Variants in SNW1 observed in about 807,000 individuals in gnomAD.
The protein encoded by SNW1 is SNW domain-containing protein 1.
In SNW1, 9 loss-of-function variants were observed where a neutral mutation model predicts 75.6. The ratio of observed to expected loss-of-function variants is 0.12; its 90% confidence interval spans 0.07 to 0.21. The LOEUF (loss-of-function observed/expected upper bound fraction) is 0.21, where lower values mean the gene tolerates loss of function less well. Ranked by LOEUF, SNW1 falls within the 10% of genes least tolerant of loss-of-function variation. The probability of loss-of-function intolerance (pLI) is 1.00; values close to 1 mark genes in which losing one functional copy is unlikely to be tolerated. For synonymous variants in SNW1, 200 were observed against 219.1 expected, an observed-to-expected ratio of 0.91 and a Z score of 0.77; for missense variants, 409 against 670.9, an observed-to-expected ratio of 0.61 and a Z score of 4.31.
chr14:77,752,607 C>A (rs1311167135), intron 2 of SNW1, among the ~76,000 whole-genome samples: 2 of 152,090 alleles, frequency 1.3e-5, no homozygotes, highest in East Asian at 3.9e-4. Context: ...AGCACCTGAA[C>A]CCAGATCTTT....
chr14:77,735,116 T>C (rs751134841), intron 7 of SNW1, 104 bp from the exon 8 acceptor site: 9 of 718,146 alleles, frequency 1.3e-5, no homozygotes, highest in Non-Finnish European at 2.1e-5. Context: ...CACTGACATA[T>C]GCACAGCCGT....
Position 77,718,407 on chromosome 14 carries a change from T to C in SNW1, c.1372A>G (p.Met458Val), listed in dbSNP as rs2080507783. Residue 458 changes from methionine to valine, a missense_variant, in exon 13 of 14, where the codon ATG becomes GTG. Physicochemically the swap from Met to Val is conservative, Grantham distance 21 (BLOSUM62 1). Transcript: ENST00000261531. Reference protein sequence around the residue: ...YRPSKNLDKDMYGDDLEARIK... With the variant: ...YRPSKNLDKDVYGDDLEARIK... ...CTGGCTTCTAGGTCATCACCATACA[T>C]GTCCTTGTCCAGATTTTTACTGGGC... The C allele has an allele frequency of 6.2e-7, 1 of 1,614,182 alleles. No individual in the cohort carries two copies. The highest frequency in any genetic ancestry group is 8.5e-7 in the Non-Finnish European group (1 of 1,180,018).
At chr14:77,729,686 C>A (rs2080613801) in intron 10 of SNW1, among the ~76,000 whole-genome samples, 1 of 151,796 alleles carries the variant, frequency 6.6e-6, no homozygotes, top group South Asian at 2.1e-4. Flanking sequence ...GTGTTCTCAC[C>A]AAAAAATTTA....
chr14:77,717,775 T>C lies in SNW1; in HGVS notation c.*313A>G, dbSNP rs1003519928. ...GGTAACTTTACTCATATGCAGCTGTTCTTACACAAAACATTAACCCCAAAC... is the reference window on the plus strand; with the variant it reads ...GGTAACTTTACTCATATGCAGCTGTCCTTACACAAAACATTAACCCCAAAC... On this transcript the variant is annotated 3_prime_UTR_variant, in exon 14 of 14. Coordinates refer to ENST00000261531, the MANE Select transcript of SNW1 (RefSeq NM_012245.3). The C allele has an allele frequency of 1.7e-6, 1 of 600,712 alleles. No individual in the cohort carries two copies. Among genetic ancestry groups the C allele is most frequent in the Non-Finnish European group, 2.9e-6 (1 of 341,892 alleles). The allele number at this position is 600,712 out of a possible 1,614,324, so 37.2% of individuals were successfully genotyped here.
intron 11 of SNW1, among the ~76,000 whole-genome samples, chr14:77,721,296 C>T (rs1363256595): frequency 6.6e-6 from 1 of 152,182 alleles, no homozygotes; most frequent in Non-Finnish European, 1.5e-5. Context: ...ATGTCAATGA[C>T]TGAATTAGTA....
rs2080660533 is a variant in SNW1, at chr14:77,735,146, A to C, written c.709-134T>G. 6 of 561,260 alleles carry C rather than the reference A, an allele frequency of 1.1e-5. No individual in the cohort carries two copies. In the South Asian group the frequency reaches 1.4e-4, roughly 13 times the overall value. The allele number at this position is 561,260 out of a possible 1,614,324, so 34.8% of individuals were successfully genotyped here. A position where few individuals can be genotyped will look rare whatever the true frequency, so the allele number is the denominator to read the frequency against. ...AGCCGTAGTAAAAGGCCAGCAGTCC[A>C]TTTGTTTGCTAGCACTAGTTTACCA... On this transcript the variant is annotated intron_variant, in intron 7 of 13. Transcript: ENST00000261531.
intron 3 of SNW1, among the ~76,000 whole-genome samples, chr14:77,749,162 CAT>C: frequency 6.6e-6 from 1 of 152,222 alleles, no homozygotes; most frequent in Admixed American, 6.5e-5. Flanking sequence ...CAGTCATCAG[CAT>C]ATGAGTGGCA....
intron 11 of SNW1, 67 bp downstream of exon 11, chr14:77,723,114 T>C: frequency 7.9e-7 from 1 of 1,273,344 alleles, no homozygotes; most frequent in Non-Finnish European, 1.1e-6. Flanking sequence ...CCCAAAGTGC[T>C]GGGATTACAG....
At chr14:77,718,734 CAG>C (rs1464371078) in intron 12 of SNW1, among the ~76,000 whole-genome samples, 2 of 143,956 alleles carry the variant, frequency 1.4e-5, no homozygotes, top group Admixed American at 7.0e-5. Context: ...TTTTTTCAGA[CAG>C]AGTCTCACTC....
chr14:77,740,779 T>A (rs1464765822), intron 3 of SNW1, among the ~76,000 whole-genome samples: 1 of 152,120 alleles, frequency 6.6e-6, no homozygotes, highest in East Asian at 1.9e-4. Context: ...CTTTACATGG[T>A]TATTATCTGT....
intron 1 of SNW1, among the ~76,000 whole-genome samples, chr14:77,759,426 T>A (rs2080868207): frequency 6.6e-6 from 1 of 152,068 alleles, no homozygotes; most frequent in African/African-American, 2.4e-5. Flanking sequence ...GGCAGGAGGA[T>A]CACCTGAGCC....
intron 9 of SNW1, 107 bp from the exon 10 acceptor site, chr14:77,731,236 CAG>C (rs1221709485): frequency 2.5e-6 from 3 of 1,221,796 alleles, no homozygotes; most frequent in Non-Finnish European, 1.1e-6. Context: ...ATACAGAATT[CAG>C]ATTTGTTATT....
intron 1 of SNW1, among the ~76,000 whole-genome samples, chr14:77,756,613 G>A (rs185906168): frequency 1.1e-4 from 16 of 152,290 alleles, no homozygotes; most frequent in Admixed American, 5.2e-4. Context: ...GCCAGCCATG[G>A]TGGCTCACAC....
intron 2 of SNW1, among the ~76,000 whole-genome samples, chr14:77,751,835 CACA>C (rs1175429634): frequency 8.7e-6 from 1 of 115,270 alleles, no homozygotes; most frequent in Non-Finnish European, 2.0e-5. Flanking sequence ...CACACACACA[CACA>C]CACACACCAC....
chr14:77,720,863 CTT>C (rs781771890), intron 11 of SNW1, 35 bp from the exon 12 acceptor site: 15 of 1,326,000 alleles, frequency 1.1e-5, no homozygotes, highest in Non-Finnish European at 1.6e-5. Context: ...ACTGAAAACT[CTT>C]TATAGACAAG....
Position 77,718,053 on chromosome 14 carries a change from G to A in SNW1, c.*35C>T, listed in dbSNP as rs374534671. The A allele has an allele frequency of 6.6e-7, 1 of 1,515,724 alleles. No homozygotes were observed. Among genetic ancestry groups the A allele is most frequent in the East Asian group, 2.3e-5 (1 of 44,070 alleles). 93.9% of individuals were successfully genotyped at this position (1,515,724 alleles called of 1,614,324 possible). A position where few individuals can be genotyped will look rare whatever the true frequency, so the allele number is the denominator to read the frequency against. On this transcript the variant is annotated 3_prime_UTR_variant, in exon 14 of 14. Transcript: ENST00000261531. The stretch of plus-strand genomic sequence containing the variant: ...ATATGACTTGCATCATTAGGGTTAT[G>A]GGTAAGAGTTCATTCACTTTGGAGA...
intron 3 of SNW1, among the ~76,000 whole-genome samples, chr14:77,745,425 T>A (rs571101767): frequency 1.3e-5 from 2 of 151,436 alleles, no homozygotes; most frequent in Non-Finnish European, 3.0e-5. Flanking sequence ...TTTTTCTTCT[T>A]GGCTGGGCAC....
At chr14:77,725,566 C>A (rs1476299346) in intron 10 of SNW1, among the ~76,000 whole-genome samples, 1 of 152,188 alleles carries the variant, frequency 6.6e-6, no homozygotes, top group Non-Finnish European at 1.5e-5. Flanking sequence ...GTTTTCACAG[C>A]ATTATGTATT....
intron 3 of SNW1, among the ~76,000 whole-genome samples, chr14:77,742,053 C>T (rs946882599): frequency 2.0e-5 from 3 of 149,698 alleles, no homozygotes; most frequent in African/African-American, 2.5e-5. Flanking sequence ...TTTTTTGAGA[C>T]GAAGTCTTGC....
Sources: gnomAD v4.1 joint callset for allele counts (sites outside exome capture counted in the v4.1 genomes callset) on GRCh38, gnomAD v4.1.1 for gene constraint, MANE v1.5 for transcripts, NCBI Gene and HGNC (gene_info 2026-07-23, HGNC 2026-07-21) for gene names.